PTPRD: variants seen among roughly 807,000 people sequenced by gnomAD.
PTPRD encodes protein tyrosine phosphatase receptor type D, also known as receptor-type tyrosine-protein phosphatase delta.
Under a neutral mutation model 214.5 loss-of-function variants are expected in PTPRD, and 34 were observed. That is an observed-to-expected ratio of 0.16 (90% CI 0.12 to 0.21). PTPRD has a LOEUF of 0.21. Among genes scored for constraint, PTPRD ranks in the 10% least tolerant of loss-of-function variants. The pLI is 1.00. For synonymous variants in PTPRD, 1,128 were observed against 845.7 expected (o/e 1.33, Z -5.79); for missense variants, 2,545 against 2,398.7 (o/e 1.06, Z -1.27).
intron 8 of PTPRD, among the ~76,000 whole-genome samples, chr9:9,449,793 G>A (rs2091592418): frequency 6.6e-6 from 1 of 151,706 alleles, no homozygotes; most frequent in East Asian, 1.9e-4. Flanking sequence ...ACATGGATAA[G>A]CTCTTTAGTG....
intron 3 of PTPRD, among the ~76,000 whole-genome samples, chr9:10,177,442 A>C (rs2099255580): frequency 7.3e-6 from 1 of 137,288 alleles, no homozygotes; most frequent in South Asian, 2.5e-4. Flanking sequence ...AAGTTGTTAA[A>C]ATGTTGTAAA....
At chr9:9,096,993 A>G (rs2099784474) in intron 10 of PTPRD, among the ~76,000 whole-genome samples, 1 of 152,194 alleles carries the variant, frequency 6.6e-6, no homozygotes, top group Non-Finnish European at 1.5e-5. Context: ...TGAAAATATT[A>G]TTAATCAGCT....
At chr9:9,824,705 A>T (rs1389526154) in intron 5 of PTPRD, among the ~76,000 whole-genome samples, 2 of 152,038 alleles carry the variant, frequency 1.3e-5, no homozygotes, top group Admixed American at 1.3e-4. Context: ...AGAAAAACTG[A>T]AAAATTAAAC....
rs1299615189 is a variant in PTPRD, at chr9:8,643,586, A to C, written c.65-6742T>G. The stretch of plus-strand genomic sequence containing the variant: ...AGGGGAAGCGGGGAATAGGGGACCC[A>C]CCACCACCACTGCTGCCTCTGCAGC... On this transcript the variant is annotated intron_variant, in intron 12 of 45. Coordinates refer to ENST00000381196, the MANE Select transcript of PTPRD (RefSeq NM_002839.4). Among the ~76,000 whole-genome samples the C allele has an allele frequency of 2.0e-5, 3 of 152,274 alleles. No individual in the cohort carries two copies. In the East Asian group the frequency reaches 5.8e-4, roughly 30 times the overall value.
At chr9:9,367,904 C>T (rs1440278842) in intron 9 of PTPRD, among the ~76,000 whole-genome samples, 1 of 151,710 alleles carries the variant, frequency 6.6e-6, no homozygotes, top group Non-Finnish European at 1.5e-5. Context: ...CTTCCAAACC[C>T]TGTCATAAGG....
At chr9:8,633,549 G>A (rs1322630478) in intron 13 of PTPRD, 91 bp from the exon 14 acceptor site, 2 of 1,421,822 alleles carry the variant, frequency 1.4e-6, no homozygotes, top group Non-Finnish European at 1.9e-6. Context: ...TCCGCCATTA[G>A]GCTCATAATA....
At chr9:8,584,871 T>C (rs1249112668) in intron 14 of PTPRD, among the ~76,000 whole-genome samples, 2 of 152,220 alleles carry the variant, frequency 1.3e-5, no homozygotes, top group Non-Finnish European at 2.9e-5. Flanking sequence ...AAACATGTCC[T>C]TCTTCGCATG....
chr9:9,704,391 G>T (rs2097559351), intron 7 of PTPRD, among the ~76,000 whole-genome samples: 1 of 152,002 alleles, frequency 6.6e-6, no homozygotes, highest in African/African-American at 2.4e-5. Context: ...AATATGCTCA[G>T]CATCTCTAGC....
intron 10 of PTPRD, among the ~76,000 whole-genome samples, chr9:9,111,059 A>G (rs1276698590): frequency 2.6e-5 from 4 of 152,106 alleles, no homozygotes; most frequent in Non-Finnish European, 5.9e-5. Flanking sequence ...TGGAGCTGAC[A>G]GTCCAACAGG....
intron 12 of PTPRD, among the ~76,000 whole-genome samples, chr9:8,696,294 A>G (rs976398330): frequency 6.6e-6 from 1 of 152,234 alleles, no homozygotes; most frequent in African/African-American, 2.4e-5. Context: ...CAGATGAAGG[A>G]GTAAATCATC....
intron 12 of PTPRD, among the ~76,000 whole-genome samples, chr9:8,686,581 G>A (rs1282176253): frequency 6.6e-6 from 1 of 152,100 alleles, no homozygotes; most frequent in Non-Finnish European, 1.5e-5. Context: ...ATAAGTGAAG[G>A]GGGGTCAAAC....
At chr9:9,114,268 C>A (rs73397796) in intron 10 of PTPRD, among the ~76,000 whole-genome samples, 14 of 152,138 alleles carry the variant, frequency 9.2e-5, no homozygotes, top group African/African-American at 3.4e-4. Context: ...ACAGTTGAAA[C>A]GAGGGCACTT....
At chr9:9,327,946 A>G (rs1460239042) in intron 9 of PTPRD, among the ~76,000 whole-genome samples, 1 of 152,010 alleles carries the variant, frequency 6.6e-6, no homozygotes, top group Non-Finnish European at 1.5e-5. Context: ...TAATATTTTA[A>G]GAAAGTTTAC....
intron 34 of PTPRD, among the ~76,000 whole-genome samples, chr9:8,447,169 G>C (rs1194945726): frequency 6.6e-6 from 1 of 152,140 alleles, no homozygotes; most frequent in African/African-American, 2.4e-5. Flanking sequence ...TAGGACCTTA[G>C]GACAATTTCT....
chr9:9,158,431 C>A (rs564635343), intron 10 of PTPRD, among the ~76,000 whole-genome samples: 8 of 152,092 alleles, frequency 5.3e-5, no homozygotes, highest in Non-Finnish European at 1.2e-4. Flanking sequence ...AAAACTCCGT[C>A]TCTACTAAAA....
chr9:9,177,078 G>T (rs988948195), intron 10 of PTPRD, among the ~76,000 whole-genome samples: 2 of 152,118 alleles, frequency 1.3e-5, no homozygotes, highest in Non-Finnish European at 2.9e-5. Flanking sequence ...AAGAAAAGAG[G>T]TTTAATTGAC....
intron 2 of PTPRD, among the ~76,000 whole-genome samples, chr9:10,502,245 A>T (rs2044010447): frequency 6.6e-6 from 1 of 151,862 alleles, no homozygotes; most frequent in East Asian, 1.9e-4. Context: ...ATGGCCAGAA[A>T]ATTAAAAGGA....
intron 5 of PTPRD, among the ~76,000 whole-genome samples, chr9:9,767,922 T>C (rs1038733055): frequency 2.0e-5 from 3 of 152,268 alleles, no homozygotes; most frequent in South Asian, 2.1e-4. Flanking sequence ...TCTATGGAGC[T>C]ACTGGGTGAT....
chr9:9,136,259 CTAATT>C (rs1198161735), intron 10 of PTPRD, among the ~76,000 whole-genome samples: 1 of 151,432 alleles, frequency 6.6e-6, no homozygotes, highest in Non-Finnish European at 1.5e-5. Flanking sequence ...TTTTAAGTCT[CTAATT>C]AACATCTTTT....
Sources: gnomAD v4.1 joint callset for allele counts (sites outside exome capture counted in the v4.1 genomes callset) on GRCh38, gnomAD v4.1.1 for gene constraint, MANE v1.5 for transcripts, NCBI Gene and HGNC (gene_info 2026-07-23, HGNC 2026-07-21) for gene names.